HEATR5B: variants seen among roughly 807,000 people sequenced by gnomAD.
The protein encoded by HEATR5B is HEAT repeat-containing protein 5B.
Under a neutral mutation model 224.1 loss-of-function variants are expected in HEATR5B, and 156 were observed. The ratio of observed to expected loss-of-function variants is 0.70; its 90% CI spans 0.61 to 0.80. The LOEUF (loss-of-function observed/expected upper bound fraction) is 0.80. HEATR5B is among the 30% of genes least tolerant of loss of function. The pLI is 0.00. For synonymous variants in HEATR5B, 1,027 were observed against 893.0 expected, an observed-to-expected ratio of 1.15 and a Z score of -2.68; for missense variants, 2,323 against 2,535.5, an observed-to-expected ratio of 0.92 and a Z score of 1.80.
intron 28 of HEATR5B, among the ~76,000 whole-genome samples, chr2:37,007,886 C>T (rs540395089): frequency 6.6e-6 from 1 of 152,232 alleles, no homozygotes; most frequent in South Asian, 2.1e-4. Context: ...CAGAATTTAC[C>T]TCTTCATTGT....
chr2:37,074,096 C>T (rs1440294332), intron 5 of HEATR5B, among the ~76,000 whole-genome samples: 16 of 151,880 alleles, frequency 1.1e-4, no homozygotes, highest in Admixed American at 3.3e-4. Flanking sequence ...CCGAGGTGGG[C>T]GGATCACGAG....
rs189890900 is a variant in HEATR5B, at chr2:37,019,607, T to C, written c.4104+202A>G. Among the ~76,000 whole-genome samples the C allele has an allele frequency of 7.2e-3, 1,088 of 152,110 alleles. 13 individuals are homozygous for C. The highest frequency in any genetic ancestry group is 0.025 in the African/African-American group (1,047 of 41,508). Reference sequence around the variant, plus strand: ...GAGTAGCCTGGACTACAGGTGTATGTTACCATGCCCAACTAATTTTTGTAT... The same window carrying C: ...GAGTAGCCTGGACTACAGGTGTATGCTACCATGCCCAACTAATTTTTGTAT... On this transcript the variant is annotated intron_variant, in intron 26 of 35. Transcript: ENST00000233099.
At chr2:37,057,733 G>A (rs779153274) in intron 14 of HEATR5B, among the ~76,000 whole-genome samples, 1 of 151,974 alleles carries the variant, frequency 6.6e-6, no homozygotes, top group East Asian at 1.9e-4. Flanking sequence ...AAAGAGAGGC[G>A]GGTGCCATAG....
At chr2:37,052,466 G>A (rs917551880) in intron 17 of HEATR5B, among the ~76,000 whole-genome samples, 1 of 152,194 alleles carries the variant, frequency 6.6e-6, no homozygotes, top group Non-Finnish European at 1.5e-5. Flanking sequence ...CGATGGGACA[G>A]CAAAACTAAC....
chr2:36,985,869 G>C (rs1572728555), intron 35 of HEATR5B, among the ~76,000 whole-genome samples: 1 of 151,716 alleles, frequency 6.6e-6, no homozygotes, highest in East Asian at 1.9e-4. Flanking sequence ...AACTGAAAAA[G>C]GGTCATTTAT....
intron 22 of HEATR5B, among the ~76,000 whole-genome samples, chr2:37,031,689 C>T (rs1435722030): frequency 6.6e-6 from 1 of 151,990 alleles, no homozygotes; most frequent in African/African-American, 2.4e-5. Context: ...TTCTACAATA[C>T]CGTATATCTG....
At chr2:36,985,487 T>G (rs1324318043) in intron 35 of HEATR5B, among the ~76,000 whole-genome samples, 2 of 145,548 alleles carry the variant, frequency 1.4e-5, no homozygotes, top group Admixed American at 1.4e-4. Context: ...AGACAGAGTC[T>G]CACTCTGTTG....
Position 37,058,957 on chromosome 2 carries a change from T to A in HEATR5B, c.1880A>T (p.Glu627Val). The stretch of plus-strand genomic sequence containing the variant: ...TCGAATCACATCTTCAGTTAGTAGC[T>A]CAGGACAATGTGCAACGAAGCTCCT... ...AMRSFVAHCP[E>V]LLTEDVIRKL... is the part of the protein sequence containing the mutation. The change falls in exon 13 of 36, where the codon GAG becomes GTG. Residue 627 changes from glutamate (E) to valine (V), a missense_variant. Physicochemically the swap from Glu to Val is moderately radical, Grantham distance 121. Around this residue, in one of 12 missense-constraint regions of HEATR5B, gnomAD observed 502 missense variants for 517.8 expected, o/e 0.97. Coordinates refer to ENST00000233099, the MANE Select transcript of HEATR5B (RefSeq NM_019024.3). The A allele has an allele frequency of 6.2e-7, 1 of 1,610,368 alleles. No individual in the cohort carries two copies. The highest frequency in any genetic ancestry group is 8.5e-7 in the Non-Finnish European group (1 of 1,177,680).
intron 14 of HEATR5B, among the ~76,000 whole-genome samples, chr2:37,057,914 C>G (rs908211281): frequency 3.9e-5 from 6 of 151,974 alleles, no homozygotes; most frequent in African/African-American, 1.5e-4. Flanking sequence ...TATTTATTGC[C>G]CAATAATGTA....
chr2:36,999,997 G>A (rs1473842188), intron 33 of HEATR5B, among the ~76,000 whole-genome samples: 2 of 151,726 alleles, frequency 1.3e-5, no homozygotes, highest in South Asian at 2.1e-4. Flanking sequence ...GGGTGACGGA[G>A]CGAGACTTTG....
In HEATR5B at chr2:37,008,720, T is replaced by C. The variant is rs773649630; in HGVS notation, c.4413A>G (p.Thr1471=). Residue 1471 remains threonine, a synonymous_variant, in exon 28 of 36, where the codon ACA becomes ACG. Coordinates refer to ENST00000233099, the MANE Select transcript of HEATR5B (RefSeq NM_019024.3). ...IDELPPDSLI[T]LVQPELPTLS... is the part of the protein sequence containing the mutation. ...GTGTTGGTAGTTCAGGTTGTACCAG[T>C]GTTATTAAACTATCTGGTGGCAGTT... 1.9e-6 allele frequency: 3 copies of C among 1,613,824 alleles called. No homozygotes were observed. The highest frequency in any genetic ancestry group is 2.5e-6 in the Non-Finnish European group (3 of 1,179,728).
chr2:37,052,977 C>G (rs1194852547), intron 17 of HEATR5B, among the ~76,000 whole-genome samples: 3 of 152,156 alleles, frequency 2.0e-5, no homozygotes, highest in Non-Finnish European at 4.4e-5. Flanking sequence ...CTGCAGAAAG[C>G]AAAACTGCAG....
chr2:37,066,094 A>T (rs1671571293), intron 8 of HEATR5B, among the ~76,000 whole-genome samples, 184 bp from the exon 9 acceptor site: 2 of 152,246 alleles, frequency 1.3e-5, no homozygotes, highest in Admixed American at 6.5e-5. Flanking sequence ...GTTGTTTAAT[A>T]GCTTTATAAT....
chr2:37,083,465 G>GT (rs774949373), intron 1 of HEATR5B, 29 bp from the exon 2 acceptor site: 2 of 1,481,984 alleles, frequency 1.3e-6, no homozygotes, highest in African/African-American at 2.8e-5. Context: ...AAAAATACTT[G>GT]TAAGTATTTT....
chr2:37,035,996 C>T (rs1669452021), intron 21 of HEATR5B, among the ~76,000 whole-genome samples: 1 of 152,184 alleles, frequency 6.6e-6, no homozygotes, highest in Non-Finnish European at 1.5e-5. Context: ...CTATGCCCCA[C>T]TAAGAGCCAA....
chr2:37,011,899 T>C (rs897238639), intron 27 of HEATR5B, among the ~76,000 whole-genome samples: 2 of 152,206 alleles, frequency 1.3e-5, no homozygotes, highest in Admixed American at 6.5e-5. Flanking sequence ...AGAAATGGAA[T>C]CACTGGGTCA....
chr2:37,052,481 A>T (rs544726189), intron 17 of HEATR5B, among the ~76,000 whole-genome samples: 1 of 152,364 alleles, frequency 6.6e-6, no homozygotes, highest in African/African-American at 2.4e-5. Flanking sequence ...ACTAACACAA[A>T]TTCCTTTTTC....
chr2:36,997,152 T>C (rs1666774374), intron 33 of HEATR5B, among the ~76,000 whole-genome samples: 1 of 152,194 alleles, frequency 6.6e-6, no homozygotes, highest in Non-Finnish European at 1.5e-5. Context: ...CCATTTAATG[T>C]AAGGTGTTTT....
chr2:37,081,778 A>G (rs1055527111), intron 2 of HEATR5B, among the ~76,000 whole-genome samples: 4 of 152,314 alleles, frequency 2.6e-5, no homozygotes, highest in South Asian at 2.1e-4. Context: ...AGATGCAGTG[A>G]AAGTTCACAT....
Sources: gnomAD v4.1 joint callset for allele counts (sites outside exome capture counted in the v4.1 genomes callset) on GRCh38, gnomAD v4.1.1 for gene constraint, gnomAD v4.1.1 regional missense constraint, MANE v1.5 for transcripts, NCBI Gene and HGNC (gene_info 2026-07-23, HGNC 2026-07-21) for gene names.